Variants in ZNF512B observed in about 807,000 individuals in gnomAD.
ZNF512B encodes zinc finger protein 512B.
In ZNF512B, 22 loss-of-function variants were observed where a neutral mutation model predicts 87.8. The observed-to-expected ratio is 0.25, with a 90% CI of 0.18 to 0.36. The LOEUF (loss-of-function observed/expected upper bound fraction) is 0.36. ZNF512B is among the 10% of genes least tolerant of loss of function. ZNF512B has a pLI of 1.00. For synonymous variants in ZNF512B, 524 were observed against 490.9 expected, an observed-to-expected ratio of 1.07 and a Z score of -0.89; for missense variants, 1,060 against 1,231.6, an observed-to-expected ratio of 0.86 and a Z score of 2.09.
At position 63,959,563 on chromosome 20, in the gene ZNF512B, G is replaced by A. The variant is rs1412880375; in HGVS notation, c.*325C>T. The A allele has an allele frequency of 5.7e-6, 2 of 353,826 alleles. No homozygotes were observed. Among genetic ancestry groups the A allele is most frequent in the Non-Finnish European group, 1.0e-5 (2 of 197,104 alleles). 21.9% of individuals were successfully genotyped at this position (353,826 alleles called of 1,614,324 possible). A position where few individuals can be genotyped will look rare whatever the true frequency, so the allele number is the denominator to read the frequency against. On this transcript the variant is annotated 3_prime_UTR_variant, in exon 17 of 17. Coordinates refer to ENST00000369888, the MANE Select transcript of ZNF512B (RefSeq NM_020713.3). ...GGGCCTGAGGAAGCGGAGCCGGGGG[G>A]CCAAAGGCCATCTGCCTACTCTGCG...
At chr20:63,968,070 CTTCCTGTGGTTTTGTTCACGTGGG>C in intron 1 of ZNF512B, 118 bp from the exon 2 acceptor site, 1 of 1,321,992 alleles carries the variant, frequency 7.6e-7, no homozygotes, top group Non-Finnish European at 1.0e-6. Context: ...AGGGGCCTGC[CTTCCTGTGGTTTTGTTCACGTGGG>C]AAAAGCAAGT....
intron 13 of ZNF512B, 82 bp downstream of exon 13, chr20:63,962,505 G>A (rs1365172254): frequency 1.3e-6 from 2 of 1,555,850 alleles, no homozygotes; most frequent in Admixed American, 1.9e-5. Context: ...GGTCACAGCA[G>A]TGGCTGTCCC....
intron 12 of ZNF512B, 59 bp from the exon 13 acceptor site, chr20:63,962,840 C>A: frequency 6.7e-7 from 1 of 1,484,892 alleles, no homozygotes; most frequent in Non-Finnish European, 9.0e-7. Flanking sequence ...GTCAGGTCAG[C>A]GCGCGGCGAG....
At position 63,959,900 on chromosome 20, in the gene ZNF512B, C is replaced by T. The variant is rs1208350110; in HGVS notation, c.2667G>A (p.Ala889=). 29 of 1,588,498 alleles carry T rather than the reference C, an allele frequency of 1.8e-5. No individual in the cohort carries two copies. The highest frequency in any genetic ancestry group is 2.4e-5 in the Non-Finnish European group (28 of 1,171,472). Residue 889 remains alanine, a synonymous_variant, in exon 17 of 17, where the codon GCG becomes GCA. Transcript: ENST00000369888. ...STGRKVGVSK[A]PEK is the part of the protein sequence containing the mutation. ...CCACGCACCATGCTCACTTTTCAGG[C>T]GCCTTGCTGACTCCCACCTTCCGGC...
In ZNF512B at chr20:63,959,836, G is replaced by T; in HGVS notation, c.*52C>A. On this transcript the variant is annotated 3_prime_UTR_variant, in exon 17 of 17. Transcript: ENST00000369888. ...GAGGTCCCGGAGCTGGCCCTGCCTT[G>T]AACAGAGGGCGGTGTGGCGGCTGCA... 1 of 1,517,376 alleles carries T rather than the reference G, an allele frequency of 6.6e-7. No homozygotes were observed. The allele number at this position is 1,517,376 out of a possible 1,614,324, so 94.0% of individuals were successfully genotyped here.
At position 63,967,698 on chromosome 20, in the gene ZNF512B, C is replaced by T. The variant is rs527939489; in HGVS notation, c.121+132G>A. 5 of 1,493,086 alleles carry T rather than the reference C, an allele frequency of 3.3e-6. No individual in the cohort carries two copies. The South Asian group carries it at 6.5e-5, about 19-fold the overall frequency. 92.5% of individuals were successfully genotyped at this position (1,493,086 alleles called of 1,614,324 possible). The stretch of plus-strand genomic sequence containing the variant: ...GGGCTATGTCCAAGGCAACCCCTAC[C>T]CTGGTAAGGTCCTTGGGAACTCTAG... On this transcript the variant is annotated intron_variant, in intron 2 of 16. Coordinates refer to ENST00000369888, the MANE Select transcript of ZNF512B (RefSeq NM_020713.3).
rs763436946 is a variant in ZNF512B, at chr20:63,967,804, TTGACTCTGGCC to T, written c.121+15_121+25del. The T allele has an allele frequency of 6.2e-7, 1 of 1,602,406 alleles. No homozygotes were observed. Among genetic ancestry groups the T allele is most frequent in the South Asian group, 1.1e-5 (1 of 90,894 alleles). ...ACTTGCTGCCCAGAACCATCTGGAA[TTGACTCTGGCC>T]CTGACTCCTCTTACCCATCTTCGGT... On this transcript the variant is annotated intron_variant, in intron 2 of 16. Transcript: ENST00000369888.
chr20:63,962,350 G>A lies in ZNF512B; in HGVS notation c.2188C>T (p.Pro730Ser). The A allele has an allele frequency of 1.2e-6, 2 of 1,612,752 alleles. No individual in the cohort carries two copies. The highest frequency in any genetic ancestry group is 2.2e-5 in the East Asian group (1 of 44,882). Reference sequence around the variant, plus strand: ...TCTAGCAGCTGGGGGTTCAGCGTGGGGAGCCCTGGTCGAGTGTAGTTGAGC... The same window carrying A: ...TCTAGCAGCTGGGGGTTCAGCGTGGAGAGCCCTGGTCGAGTGTAGTTGAGC... ...ARLNYTRPGL[P>S]TLNPQLLEAW... is the part of the protein sequence containing the mutation. Residue 730 changes from proline to serine, a missense_variant, in exon 14 of 17, where the codon CCC (proline) becomes TCC (serine). Transcript: ENST00000369888.
intron 6 of ZNF512B, 36 bp downstream of exon 6, chr20:63,964,454 C>T (rs6010701): frequency 6.2e-7 from 1 of 1,613,448 alleles, no homozygotes; most frequent in Non-Finnish European, 8.5e-7. Context: ...GAGGCCGAGC[C>T]TGCCCCGGCC....
In ZNF512B at chr20:63,964,305, G is replaced by A. The variant is rs779780552; in HGVS notation, c.1333+15C>T. 3.0e-5 allele frequency: 48 copies of A among 1,613,760 alleles called. No individual in the cohort carries two copies. Among genetic ancestry groups the A allele is most frequent in the South Asian group, 9.9e-5 (9 of 91,082 alleles). On this transcript the variant is annotated intron_variant, in intron 7 of 16. Coordinates refer to ENST00000369888, the MANE Select transcript of ZNF512B (RefSeq NM_020713.3). ...AGCCCCAGCCCTGGAGGTGCACACC[G>A]GGCTGGGGTCTTACCTTTGAGCCCA...
At position 63,958,748 on chromosome 20, in the gene ZNF512B, T is replaced by G. The variant is rs557922688; in HGVS notation, c.*1140A>C. The G allele has an allele frequency of 6.6e-6, 1 of 152,452 alleles. No individual in the cohort carries two copies. The highest frequency in any genetic ancestry group is 1.5e-5 in the Non-Finnish European group (1 of 68,118). 9.4% of individuals were successfully genotyped at this position (152,452 alleles called of 1,614,324 possible). On this transcript the variant is annotated 3_prime_UTR_variant, in exon 17 of 17. Transcript: ENST00000369888. ...GACAGCTCTGGAGCTGCCATCAACC[T>G]GCTGTGACTTTGGCCAAGCCCCTCC... is the stretch of plus-strand genomic sequence containing the variant.
Position 63,964,655 on chromosome 20 carries a change from C to T in ZNF512B, c.1096G>A (p.Glu366Lys), listed in dbSNP as rs1217950389. The change falls in exon 6 of 17, where the codon GAG becomes AAG. Residue 366 changes from glutamate to lysine, a missense_variant. This residue lies in a region of ZNF512B where 212 missense variants were observed against 207.6 expected (regional missense o/e 1.02). Transcript: ENST00000369888. ...PPKQARPENGEYGPSSMGQSS... is the reference protein window; with the variant it reads ...PPKQARPENGKYGPSSMGQSS... ...TGGCCCATGGAGGAGGGGCCGTACT[C>T]CCCATTCTCTGGCCTGGCCTGCTTG... 2.5e-6 allele frequency: 4 copies of T among 1,612,512 alleles called. No individual in the cohort carries two copies. Among genetic ancestry groups the T allele is most frequent in the Non-Finnish European group, 3.4e-6 (4 of 1,179,966 alleles).
rs1416505339 is a variant in ZNF512B, at chr20:63,957,565, T to G, written c.*2323A>C. The G allele has an allele frequency of 1.3e-5, 2 of 152,602 alleles. No individual in the cohort carries two copies. The highest frequency in any genetic ancestry group is 2.9e-5 in the Non-Finnish European group (2 of 68,096). The allele number at this position is 152,602 out of a possible 1,614,324, so 9.5% of individuals were successfully genotyped here. ...CTGGCAGTAGCCCCCACGCCTACCT[T>G]AAAGACAAAGGGGGTTAAAGTGCTA... On this transcript the variant is annotated 3_prime_UTR_variant, in exon 17 of 17. Transcript: ENST00000369888.
In ZNF512B at chr20:63,967,519, C is replaced by A; in HGVS notation, c.126G>T (p.Met42Ile). 1 of 1,600,998 alleles carries A rather than the reference C, an allele frequency of 6.2e-7. No individual in the cohort carries two copies. Residue 42 changes from methionine (M) to isoleucine (I), a missense_variant, in exon 3 of 17, where the codon ATG becomes ATT. Coordinates refer to ENST00000369888, the MANE Select transcript of ZNF512B (RefSeq NM_020713.3). The part of the protein sequence containing the change: ...PMLHDPPKMG[M>I]PVVRGGQTVP... The stretch of plus-strand genomic sequence containing the variant: ...CTGTCTGTCCACCACGGACCACCGG[C>A]ATCCCTGCAGCACACAACACAGCAA...
intron 16 of ZNF512B, among the ~76,000 whole-genome samples, chr20:63,960,342 G>A (rs1248626605): frequency 3.4e-5 from 5 of 148,530 alleles, no homozygotes; most frequent in South Asian, 2.2e-4. Context: ...ACCTGCAGGG[G>A]GCTGGACACA....
intron 16 of ZNF512B, among the ~76,000 whole-genome samples, chr20:63,960,419 G>C (rs1336065500): frequency 6.7e-6 from 1 of 148,622 alleles, no homozygotes; most frequent in Non-Finnish European, 1.5e-5. Context: ...GCAAGCACCT[G>C]CAGCAGGGCT....
Position 63,961,418 on chromosome 20 carries a change from T to C in ZNF512B, c.2329-11A>G, listed in dbSNP as rs751524473. ...TGCCAGGTGGGCCCCCTGCAATGCATAGGCAGGCCAGTGCCCCAGCCCTTG... is the reference window on the plus strand; with the variant it reads ...TGCCAGGTGGGCCCCCTGCAATGCACAGGCAGGCCAGTGCCCCAGCCCTTG... On this transcript the variant is annotated splice_polypyrimidine_tract_variant and intron_variant, in intron 15 of 16. Transcript: ENST00000369888. The surrounding 1 kb of genome is among the most constrained non-coding windows in gnomAD (Gnocchi z 6.4). 5.6e-6 allele frequency: 9 copies of C among 1,608,844 alleles called. No individual in the cohort carries two copies. Among genetic ancestry groups the C allele is most frequent in the South Asian group, 2.2e-5 (2 of 91,064 alleles).
At chr20:63,960,195 C>T in intron 16 of ZNF512B, 56 bp from the exon 17 acceptor site, 1 of 1,599,612 alleles carries the variant, frequency 6.3e-7, no homozygotes. Context: ...GCACCTGAGC[C>T]AGGCATAGCC....
Position 63,962,625 on chromosome 20 carries a change from G to A in ZNF512B, c.2125C>T (p.Arg709Trp), listed in dbSNP as rs1285846426. ...GGCACAAGGTCATCCTTCATGCGCC[G>A]CTTGGTCCAGTCGCGGGCCAGCTCG... ...EDELARDWTK[R>W]RMKDDLVPET... The change falls in exon 13 of 17, where the codon CGG (arginine) becomes TGG (tryptophan). Residue 709 changes from arginine (R) to tryptophan (W), a missense_variant. Coordinates refer to ENST00000369888, the MANE Select transcript of ZNF512B (RefSeq NM_020713.3). 16 of 1,607,440 alleles carry A rather than the reference G, an allele frequency of 1.0e-5. No individual in the cohort carries two copies. Among genetic ancestry groups the A allele is most frequent in the Middle Eastern group, 1.7e-4 (1 of 6,018 alleles).
Sources: allele counts gnomAD v4.1 joint callset (sites outside exome capture counted in the v4.1 genomes callset), GRCh38; gene constraint gnomAD v4.1.1; regional missense constraint gnomAD v4.1.1; non-coding constraint Gnocchi (gnomAD v3.1); transcripts MANE v1.5; gene names NCBI Gene and HGNC (gene_info 2026-07-23, HGNC 2026-07-21).